Variants in ARL1 observed in about 807,000 individuals in gnomAD.
The protein encoded by ARL1 is ARF like GTPase 1.
Under a neutral mutation model 30.1 loss-of-function variants are expected in ARL1, and 17 were observed. That is an observed-to-expected ratio of 0.56 (90% confidence interval 0.39 to 0.85). The LOEUF (loss-of-function observed/expected upper bound fraction) is 0.85. ARL1 is among the 40% of genes least tolerant of loss of function. ARL1 has a pLI of 0.00. For synonymous variants in ARL1, 58 were observed against 71.7 expected (o/e 0.81, Z 0.97); for missense variants, 102 against 212.6 (o/e 0.48, Z 3.24).
At position 101,396,252 on chromosome 12, in the gene ARL1, T is replaced by C. The variant is rs944131091; in HGVS notation, c.515+147A>G. On this transcript the variant is annotated intron_variant, in intron 5 of 5. Coordinates refer to ENST00000261636, the MANE Select transcript of ARL1 (RefSeq NM_001177.6). ...GAAGACAGATGCACCTGAAGACCAG[T>C]GAGAGAAAACGCTTGAGGAACTTAT... 7 of 988,254 alleles carry C rather than the reference T, an allele frequency of 7.1e-6. No individual in the cohort carries two copies. In the African/African-American group the frequency reaches 9.6e-5, roughly 14 times the overall value. The allele number at this position is 988,254 out of a possible 1,614,324, so 61.2% of individuals were successfully genotyped here.
At chr12:101,396,601 ATTTCT>A (rs1439204767) in intron 4 of ARL1, 24 bp from the exon 5 acceptor site, 5 of 1,596,694 alleles carry the variant, frequency 3.1e-6, no homozygotes, top group East Asian at 2.2e-5. Flanking sequence ...AAAATATTTA[ATTTCT>A]TTTAACTAAT....
At chr12:101,406,685 TG>T (rs1871449893) in intron 1 of ARL1, among the ~76,000 whole-genome samples, 1 of 152,212 alleles carries the variant, frequency 6.6e-6, no homozygotes, top group Admixed American at 6.5e-5. Context: ...CACTGTTATT[TG>T]GCAAAGACAT....
At chr12:101,404,507 G>A (rs1389079096) in intron 2 of ARL1, among the ~76,000 whole-genome samples, 1 of 152,192 alleles carries the variant, frequency 6.6e-6, no homozygotes, top group African/African-American at 2.4e-5. Flanking sequence ...CAAAAACTAA[G>A]GGCACTAAAA....
intron 2 of ARL1, 60 bp from the exon 3 acceptor site, chr12:101,403,006 C>G: frequency 8.9e-7 from 1 of 1,123,342 alleles, no homozygotes; most frequent in Non-Finnish European, 1.3e-6. Flanking sequence ...TTCAAAATAT[C>G]CTATCTAATT....
At position 101,393,584 on chromosome 12, in the gene ARL1, C is replaced by A. The variant is rs527721176; in HGVS notation, c.*2056G>T. On this transcript the variant is annotated 3_prime_UTR_variant, in exon 6 of 6. Coordinates refer to ENST00000261636, the MANE Select transcript of ARL1 (RefSeq NM_001177.6). ...GCAGTTGTCTCCTGCTAGACAAGGA[C>A]CATATAATTTATAGCTTATTTAAGT... 6.6e-6 allele frequency: 1 copy of A among 152,280 alleles called. No individual in the cohort carries two copies. Among genetic ancestry groups the A allele is most frequent in the Non-Finnish European group, 1.5e-5 (1 of 68,030 alleles). The allele number at this position is 152,280 out of a possible 1,614,324, so 9.4% of individuals were successfully genotyped here.
intron 4 of ARL1, chr12:101,400,215 G>T (rs1009471938): frequency 6.6e-6 from 1 of 151,902 alleles, no homozygotes; most frequent in African/African-American, 2.4e-5. Context: ...TTACAGGCGT[G>T]AGCCACCACG....
At chr12:101,401,859 A>G (rs1263803119) in intron 3 of ARL1, among the ~76,000 whole-genome samples, 1 of 152,088 alleles carries the variant, frequency 6.6e-6, no homozygotes, top group Admixed American at 6.6e-5. Flanking sequence ...AACTTTTTAA[A>G]CGTGATTTTA....
In ARL1 at chr12:101,393,342, C is replaced by T. The variant is rs1020650040; in HGVS notation, c.*2298G>A. On this transcript the variant is annotated 3_prime_UTR_variant, in exon 6 of 6. Coordinates refer to ENST00000261636, the MANE Select transcript of ARL1 (RefSeq NM_001177.6). ...TTTTTTTTTAATGCAAGACACAACACAATCATAGGCCAGAGTTATAAAATA... is the reference window on the plus strand; with the variant it reads ...TTTTTTTTTAATGCAAGACACAACATAATCATAGGCCAGAGTTATAAAATA... 6.6e-6 allele frequency: 1 copy of T among 151,826 alleles called. No homozygotes were observed. Among genetic ancestry groups the T allele is most frequent in the African/African-American group, 2.4e-5 (1 of 41,320 alleles). The allele number at this position is 151,826 out of a possible 1,614,324, so 9.4% of individuals were successfully genotyped here. A position where few individuals can be genotyped will look rare whatever the true frequency, so the allele number is the denominator to read the frequency against.
intron 1 of ARL1, chr12:101,406,863 T>G (rs1487254287): frequency 6.6e-6 from 1 of 152,178 alleles, no homozygotes. Flanking sequence ...GGACAGCGCC[T>G]GTGATGCTTG....
intron 4 of ARL1, 125 bp downstream of exon 4, chr12:101,400,937 T>C: frequency 5.9e-6 from 4 of 682,516 alleles, no homozygotes; most frequent in South Asian, 2.1e-5. Context: ...TAGAAAATCA[T>C]TTCCATAAAA....
At chr12:101,407,572 C>T in intron 1 of ARL1, 70 bp downstream of exon 1, 5 of 1,598,630 alleles carry the variant, frequency 3.1e-6, no homozygotes, top group Non-Finnish European at 3.4e-6. Flanking sequence ...GGCCCCTCTC[C>T]TCCTCTGCAC....
Position 101,394,837 on chromosome 12 carries a change from T to C in ARL1, c.*803A>G, listed in dbSNP as rs1346471107. 1 of 152,170 alleles carries C rather than the reference T, an allele frequency of 6.6e-6. No homozygotes were observed. Among genetic ancestry groups the C allele is most frequent in the Non-Finnish European group, 1.5e-5 (1 of 68,034 alleles). The allele number at this position is 152,170 out of a possible 1,614,324, so 9.4% of individuals were successfully genotyped here. Reference sequence around the variant, plus strand: ...CAATACTGACATTTTTGGGAATATATAGTATAGTTTATGAGTCAAGCTTCT... The same window carrying C: ...CAATACTGACATTTTTGGGAATATACAGTATAGTTTATGAGTCAAGCTTCT... On this transcript the variant is annotated 3_prime_UTR_variant, in exon 6 of 6. Coordinates refer to ENST00000261636, the MANE Select transcript of ARL1 (RefSeq NM_001177.6).
At chr12:101,399,194 T>C (rs911556144) in intron 4 of ARL1, among the ~76,000 whole-genome samples, 1 of 151,818 alleles carries the variant, frequency 6.6e-6, no homozygotes, top group South Asian at 2.1e-4. Context: ...AAGTCAGTAG[T>C]TCAAGAAATC....
intron 1 of ARL1, 80 bp from the exon 2 acceptor site, chr12:101,406,061 A>G (rs1871433376): frequency 8.9e-7 from 1 of 1,128,032 alleles, no homozygotes; most frequent in East Asian, 2.6e-5. Flanking sequence ...TTGTCCTTTG[A>G]GAGCTAAATA....
At chr12:101,397,545 C>G (rs1177260581) in intron 4 of ARL1, among the ~76,000 whole-genome samples, 3 of 151,360 alleles carry the variant, frequency 2.0e-5, no homozygotes, top group Non-Finnish European at 4.4e-5. Context: ...GTTGCTCAGG[C>G]TGAAGTTGCA....
rs1871124692 is a variant in ARL1 at position 101,395,496 on chromosome 12, C to T, written c.*144G>A. 1.7e-6 allele frequency: 1 copy of T among 595,680 alleles called. No individual in the cohort carries two copies. Among genetic ancestry groups the T allele is most frequent in the Non-Finnish European group, 2.9e-6 (1 of 342,018 alleles). The allele number at this position is 595,680 out of a possible 1,614,324, so 36.9% of individuals were successfully genotyped here. ...TCCCTCCAACTAAATACTTATTTTC[C>T]CTATTTACTACAAATATTGCAGTCA... On this transcript the variant is annotated 3_prime_UTR_variant, in exon 6 of 6. Transcript: ENST00000261636.
chr12:101,401,948 A>G (rs778091174), intron 3 of ARL1, among the ~76,000 whole-genome samples: 31 of 152,222 alleles, frequency 2.0e-4, no homozygotes, highest in East Asian at 5.8e-4. Context: ...AAGTGATTCA[A>G]TGGAGTCTCT....
rs140999329 is a variant in ARL1 at position 101,405,029 on chromosome 12, G to A, written c.142+815C>T. Among the ~76,000 whole-genome samples the A allele has an allele frequency of 8.3e-4, 127 of 152,130 alleles. 1 individual carries two copies. Among genetic ancestry groups the A allele is most frequent in the Non-Finnish European group, 1.4e-3 (98 of 67,988 alleles). On this transcript the variant is annotated intron_variant, in intron 2 of 5. Transcript: ENST00000261636. ...TGGGATTACAGGCATGCACCACCAC[G>A]CCTGGCTAATTTTGTATTTTTAGTA...
In ARL1 at chr12:101,407,706, C is replaced by G; in HGVS notation, c.-61G>C. ...GATTCCTTGGCCTTCGGCTGCAGCT[C>G]CGAGGCGGTTTCCTCGCAAGCCCAG... On this transcript the variant is annotated 5_prime_UTR_variant, in exon 1 of 6. Transcript: ENST00000261636. 1 of 1,609,944 alleles carries G rather than the reference C, an allele frequency of 6.2e-7. No individual in the cohort carries two copies. The highest frequency in any genetic ancestry group is 8.5e-7 in the Non-Finnish European group (1 of 1,179,058).
Sources: gnomAD v4.1 joint callset for allele counts (sites outside exome capture counted in the v4.1 genomes callset) on GRCh38, gnomAD v4.1.1 for gene constraint, MANE v1.5 for transcripts, NCBI Gene and HGNC (gene_info 2026-07-23, HGNC 2026-07-21) for gene names.